HAUS8: variants seen among roughly 807,000 people sequenced by gnomAD.
The protein encoded by HAUS8 is HAUS augmin-like complex subunit 8.
A neutral mutation model predicts 42.9 loss-of-function variants in HAUS8; 38 were observed. That is an observed-to-expected ratio of 0.89 (90% CI 0.68 to 1.16). The LOEUF (loss-of-function observed/expected upper bound fraction) is 1.16, where lower values mean the gene tolerates loss of function less well. HAUS8 is among the 50% of genes most tolerant of loss of function. HAUS8 has a pLI of 0.00. For synonymous variants in HAUS8, 199 were observed against 205.8 expected (o/e 0.97, Z 0.28); for missense variants, 494 against 511.6 (o/e 0.97, Z 0.33).
intron 2 of HAUS8, among the ~76,000 whole-genome samples, chr19:17,070,183 C>T (rs920383122): frequency 1.3e-5 from 2 of 151,906 alleles, no homozygotes; most frequent in African/African-American, 2.4e-5. Flanking sequence ...CCTTGAATCC[C>T]GCCCCCCACA....
chr19:17,053,050 T>C, intron 9 of HAUS8, 84 bp from the exon 10 acceptor site: 1 of 1,523,054 alleles, frequency 6.6e-7, no homozygotes, highest in Admixed American at 1.7e-5. Flanking sequence ...GACAGACTTC[T>C]GTCATGATGC....
At chr19:17,061,217 G>A (rs2057358817) in intron 4 of HAUS8, among the ~76,000 whole-genome samples, 2 of 151,398 alleles carry the variant, frequency 1.3e-5, no homozygotes, top group Admixed American at 6.6e-5. Flanking sequence ...TGCAACCTCT[G>A]CCTCCCAGGC....
At chr19:17,070,101 T>A (rs2057412469) in intron 2 of HAUS8, among the ~76,000 whole-genome samples, 1 of 149,890 alleles carries the variant, frequency 6.7e-6, no homozygotes, top group Non-Finnish European at 1.5e-5. Context: ...TCCCCCCATT[T>A]CTCCCATCCC....
chr19:17,051,729 A>G (rs544302809), intron 10 of HAUS8: 21 of 140,006 alleles, frequency 1.5e-4, no homozygotes, highest in African/African-American at 5.6e-4. Context: ...ATGCAGTGGC[A>G]CGACCACAGC....
In HAUS8 at chr19:17,062,706, T is replaced by G; in HGVS notation, c.221A>C (p.Lys74Thr). The G allele has an allele frequency of 6.2e-7, 1 of 1,614,112 alleles. No homozygotes were observed. Among genetic ancestry groups the G allele is most frequent in the South Asian group, 1.1e-5 (1 of 91,086 alleles). ...EGGRKSSLLQ[K>T]SKADSSGVGK... ...CCATGGCTGTTTCGCACCTTTGCTT[T>G]TCTGGAGCAGGCTGGATTTCCTTCC... Residue 74 changes from lysine to threonine, a missense_variant, in exon 4 of 11, where the codon AAA becomes ACA. Coordinates refer to ENST00000253669, the MANE Select transcript of HAUS8 (RefSeq NM_033417.2).
At chr19:17,053,157 G>T (rs2057298692) in intron 9 of HAUS8, 191 bp from the exon 10 acceptor site, 2 of 627,210 alleles carry the variant, frequency 3.2e-6, no homozygotes, top group African/African-American at 3.7e-5. Flanking sequence ...TGAGATTGTG[G>T]GACAGGCACA....
chr19:17,053,944 T>C (rs1337286015), intron 9 of HAUS8, among the ~76,000 whole-genome samples: 3 of 152,036 alleles, frequency 2.0e-5, no homozygotes, highest in Non-Finnish European at 4.4e-5. Flanking sequence ...ATAACAAACA[T>C]GAGCCACCGT....
intron 1 of HAUS8, chr19:17,073,546 C>T (rs1299909343): frequency 3.4e-6 from 2 of 590,328 alleles, no homozygotes; most frequent in Admixed American, 5.9e-5. Flanking sequence ...GGTGAACACC[C>T]AAACTGAGAA....
Position 17,062,702 on chromosome 19 carries a change from G to A in HAUS8, c.225C>T (p.Ser75=). 1 of 1,613,926 alleles carries A rather than the reference G, an allele frequency of 6.2e-7. No homozygotes were observed. Among genetic ancestry groups the A allele is most frequent in the Non-Finnish European group, 8.5e-7 (1 of 1,179,802 alleles). The change falls in exon 4 of 11, where the codon AGC becomes AGT. Residue 75 remains serine, a synonymous_variant. Coordinates refer to ENST00000253669, the MANE Select transcript of HAUS8 (RefSeq NM_033417.2). ...AGGACCATGGCTGTTTCGCACCTTT[G>A]CTTTTCTGGAGCAGGCTGGATTTCC... ...GGRKSSLLQK[S]KADSSGVGKG...
intron 10 of HAUS8, chr19:17,052,521 T>A: frequency 4.3e-6 from 1 of 232,718 alleles, no homozygotes; most frequent in Non-Finnish European, 8.4e-6. Context: ...GAGGTTGCAG[T>A]GAGCTGAGAT....
rs778485484 is a variant in HAUS8 at position 17,052,935 on chromosome 19, C to T, written c.819G>A (p.Gln273=). Residue 273 remains glutamine, a synonymous_variant, in exon 10 of 11, where the codon CAG becomes CAA. Transcript: ENST00000253669. ...CAACATCAAGTTCTCCCAGGAGGCGCTGAGTGGTCACCAGTTCATGCTGCA... is the reference window on the plus strand; with the variant it reads ...CAACATCAAGTTCTCCCAGGAGGCGTTGAGTGGTCACCAGTTCATGCTGCA... ...DALQHELVTT[Q]RLLGELDVGD... 1 of 1,614,214 alleles carries T rather than the reference C, an allele frequency of 6.2e-7. No individual in the cohort carries two copies.
intron 1 of HAUS8, chr19:17,074,910 C>A: frequency 6.1e-6 from 1 of 163,154 alleles, no homozygotes; most frequent in Non-Finnish European, 1.4e-5. Flanking sequence ...ACTTCCCCTC[C>A]CTGGGTCTCC....
chr19:17,069,128 A>G (rs2057405853), intron 2 of HAUS8, 42 bp from the exon 3 acceptor site: 1 of 1,577,468 alleles, frequency 6.3e-7, no homozygotes, highest in Non-Finnish European at 8.7e-7. Flanking sequence ...ACTACAAAGG[A>G]CCGAAGACCC....
At chr19:17,055,129 AAAAAAAAAAAAAAAATATATATATAT>A (rs1568634765) in intron 9 of HAUS8, 3 of 34,736 alleles carry the variant, frequency 8.6e-5, no homozygotes, top group East Asian at 7.4e-4. Flanking sequence ...AAAAAAAAAA[AAAAAAAAAAAAAAAATATATATATAT>A]ATATATATAT....
At position 17,069,030 on chromosome 19, in the gene HAUS8, C is replaced by T. The variant is rs2057404887; in HGVS notation, c.147+1G>A. 5 of 1,612,872 alleles carry T rather than the reference C, an allele frequency of 3.1e-6. No individual in the cohort carries two copies. Among genetic ancestry groups the T allele is most frequent in the Non-Finnish European group, 3.4e-6 (4 of 1,179,314 alleles). ...CAAATGGAAGCTGGGTGCGGCCTTACCTTTTGGGTTGTCTTCTTTTCATAC... is the reference window on the plus strand; with the variant it reads ...CAAATGGAAGCTGGGTGCGGCCTTATCTTTTGGGTTGTCTTCTTTTCATAC... On this transcript the variant is annotated splice_donor_variant, in intron 3 of 10. Transcript: ENST00000253669. LOFTEE classifies it high-confidence loss of function.
chr19:17,062,905 G>C, intron 3 of HAUS8, 126 bp from the exon 4 acceptor site: 1 of 702,842 alleles, frequency 1.4e-6, no homozygotes, highest in Non-Finnish European at 2.5e-6. Flanking sequence ...ATTTAAAGAG[G>C]TTTGAAATCT....
chr19:17,073,262 G>C lies in HAUS8; in HGVS notation c.91+12C>G, dbSNP rs776434371. On this transcript the variant is annotated intron_variant, in intron 2 of 10. Transcript: ENST00000253669. ...AAACCATGTTCCTTAAAGAGATCCT[G>C]ACACTGCTTACCTTGAACTCTTTTA... 1.9e-6 allele frequency: 3 copies of C among 1,610,180 alleles called. No individual in the cohort carries two copies. The African/African-American group carries it at 4.0e-5, about 22-fold the overall frequency.
At chr19:17,069,562 C>G (rs993767878) in intron 2 of HAUS8, among the ~76,000 whole-genome samples, 1 of 151,532 alleles carries the variant, frequency 6.6e-6, no homozygotes, top group Non-Finnish European at 1.5e-5. Context: ...GAGACATGCC[C>G]AACACCCAGG....
Position 17,049,895 on chromosome 19 carries a change from CGAGA to C in HAUS8, c.1207_1210del (p.Ser403ValfsTer26), listed in dbSNP as rs751603187. ...GAGTCATGACAAGTCCCTCCCTGAA[CGAGA>C]GAGAGAGGGCGGGACTTCTGCCTGG... On this transcript the variant is annotated frameshift_variant, in exon 11 of 11. Coordinates refer to ENST00000253669, the MANE Select transcript of HAUS8 (RefSeq NM_033417.2). LOFTEE classifies it low-confidence loss of function (END_TRUNC). 60 of 1,498,228 alleles carry C rather than the reference CGAGA, an allele frequency of 4.0e-5. No individual in the cohort carries two copies. Among genetic ancestry groups the C allele is most frequent in the Middle Eastern group, 1.8e-4 (1 of 5,564 alleles). The allele number at this position is 1,498,228 out of a possible 1,614,324, so 92.8% of individuals were successfully genotyped here.
Sources: gnomAD v4.1 joint callset for allele counts (sites outside exome capture counted in the v4.1 genomes callset) on GRCh38, gnomAD v4.1.1 for gene constraint, MANE v1.5 for transcripts, NCBI Gene and HGNC (gene_info 2026-07-23, HGNC 2026-07-21) for gene names.